The following GREB1L variants were observed in gnomAD, a reference collection of about 807,000 sequenced individuals.
GREB1L encodes GREB1-like protein.
Under a neutral mutation model 200.8 loss-of-function variants are expected in GREB1L, and 17 were observed. The observed-to-expected ratio is 0.08, with a 90% CI of 0.06 to 0.13. The LOEUF is 0.13. Among genes scored for constraint, GREB1L ranks in the 10% least tolerant of loss-of-function variants. The probability of loss-of-function intolerance (pLI) is 1.00; values close to 1 mark genes in which losing one functional copy is unlikely to be tolerated. For synonymous variants in GREB1L, 789 were observed against 893.0 expected (o/e 0.88, Z 2.08); for missense variants, 1,657 against 2,367.7 (o/e 0.70, Z 6.23).
intron 17 of GREB1L, among the ~76,000 whole-genome samples, chr18:21,477,559 G>T (rs2035751659): frequency 6.6e-6 from 1 of 152,172 alleles, no homozygotes; most frequent in Non-Finnish European, 1.5e-5. Context: ...GGCCGAGGCG[G>T]GTGGATCACA....
chr18:21,465,205 TTCC>T (rs2035219224), intron 15 of GREB1L, among the ~76,000 whole-genome samples: 1 of 152,176 alleles, frequency 6.6e-6, no homozygotes, highest in Non-Finnish European at 1.5e-5. Context: ...CCCTGAACTT[TTCC>T]TCCTAACTGA....
intron 1 of GREB1L, among the ~76,000 whole-genome samples, chr18:21,274,776 G>A (rs9947069): frequency 0.52 from 79,403 of 151,622 alleles, 22,052 homozygotes; most frequent in African/African-American, 0.72. Context: ...AGTCCCAGCT[G>A]CTTGGGAGGC....
intron 1 of GREB1L, among the ~76,000 whole-genome samples, chr18:21,343,667 C>T (rs1197258961): frequency 6.6e-6 from 1 of 151,948 alleles, no homozygotes; most frequent in South Asian, 2.1e-4. Context: ...GGCCGCATAC[C>T]AGGGTGGACA....
Position 21,514,004 on chromosome 18 carries a change from G to A in GREB1L, c.4901+18G>A. The A allele has an allele frequency of 6.5e-7, 1 of 1,549,144 alleles. No individual in the cohort carries two copies. Among genetic ancestry groups the A allele is most frequent in the Non-Finnish European group, 8.7e-7 (1 of 1,145,100 alleles). On this transcript the variant is annotated intron_variant, in intron 28 of 32. Coordinates refer to ENST00000424526, the MANE Select transcript of GREB1L (RefSeq NM_001142966.3). ...CCATCCAGGTAGACTTCCAAGCTGG[G>A]GGCGTATGACACAATGCTATAGACA...
chr18:21,259,325 G>A (rs542631851), intron 1 of GREB1L, among the ~76,000 whole-genome samples: 2 of 152,206 alleles, frequency 1.3e-5, no homozygotes, highest in East Asian at 1.9e-4. Context: ...TTTTTCTACT[G>A]TGCAAGAGGT....
At chr18:21,484,224 G>A (rs944050302) in intron 17 of GREB1L, among the ~76,000 whole-genome samples, 2 of 146,888 alleles carry the variant, frequency 1.4e-5, no homozygotes, top group African/African-American at 5.0e-5. Flanking sequence ...CGCCCAGGCT[G>A]GAGTGCAGTG....
chr18:21,500,576 A>C lies in GREB1L; in HGVS notation c.4006A>C (p.Ile1336Leu). The change falls in exon 23 of 33, where the codon ATC becomes CTC. Residue 1336 changes from isoleucine to leucine, a missense_variant. Around this residue, in one of 9 missense-constraint regions of GREB1L, gnomAD observed 512 missense variants for 668.3 expected, o/e 0.77. Transcript: ENST00000424526. ...KTGSYLQFLR[I>L]LFRMLIRLLE... Reference sequence around the variant, plus strand: ...GGGCTCCTATTTACAGTTCCTCAGGATCCTCTTCCGCATGCTCATCAGGCT... The same window carrying C: ...GGGCTCCTATTTACAGTTCCTCAGGCTCCTCTTCCGCATGCTCATCAGGCT... 6.4e-7 allele frequency: 1 copy of C among 1,551,156 alleles called. No homozygotes were observed. Among genetic ancestry groups the C allele is most frequent in the Non-Finnish European group, 8.7e-7 (1 of 1,146,858 alleles).
In GREB1L at chr18:21,322,072, G is replaced by A. The variant is rs369047642; in HGVS notation, c.-119-43955G>A. 2.8e-4 allele frequency among the ~76,000 whole-genome samples: 43 copies of A among 152,222 alleles called. No homozygotes were observed. In the South Asian group the frequency reaches 8.7e-3, roughly 31 times the overall value. ...AGGTGAAATTATTATTTGCAGATGTGATTACCTCATAAACTCATGAAAATC... is the reference window on the plus strand; with the variant it reads ...AGGTGAAATTATTATTTGCAGATGTAATTACCTCATAAACTCATGAAAATC... On this transcript the variant is annotated intron_variant, in intron 1 of 32. Coordinates refer to ENST00000424526, the MANE Select transcript of GREB1L (RefSeq NM_001142966.3).
rs1377868873 is a variant in GREB1L at position 21,477,312 on chromosome 18, A to G, written c.2512A>G (p.Ile838Val). Residue 838 changes from isoleucine (I) to valine (V), a missense_variant, in exon 17 of 33, where the codon ATT becomes GTT. By Grantham distance (29) the Ile-to-Val change is conservative. Coordinates refer to ENST00000424526, the MANE Select transcript of GREB1L (RefSeq NM_001142966.3). ...CACTCTGCAGACCCAACAGTCCCGC[A>G]TTAGCTCTAGCAATGAGGTTCACTG... ...PYTLQTQQSR[I>V]SSSNEVHWIQ... 1 of 1,551,620 alleles carries G rather than the reference A, an allele frequency of 6.4e-7. No homozygotes were observed. Among genetic ancestry groups the G allele is most frequent in the East Asian group, 2.4e-5 (1 of 40,912 alleles).
intron 10 of GREB1L, among the ~76,000 whole-genome samples, chr18:21,443,415 C>T (rs769259290): frequency 1.3e-4 from 20 of 152,204 alleles, no homozygotes; most frequent in Admixed American, 5.9e-4. Flanking sequence ...AAATGTTGGC[C>T]AGGCTGGTCT....
intron 17 of GREB1L, among the ~76,000 whole-genome samples, chr18:21,479,234 T>C (rs1369278447): frequency 6.6e-6 from 1 of 152,124 alleles, no homozygotes; most frequent in Non-Finnish European, 1.5e-5. Flanking sequence ...TTGCATTAAA[T>C]TTCGATATAT....
intron 11 of GREB1L, among the ~76,000 whole-genome samples, chr18:21,448,265 T>A (rs1270772954): frequency 1.3e-5 from 2 of 152,130 alleles, no homozygotes; most frequent in African/African-American, 4.8e-5. Context: ...AAAATCTGTT[T>A]ATGAGAATTC....
Position 21,522,958 on chromosome 18 carries a change from C to A in GREB1L, c.*137C>A. The A allele has an allele frequency of 1.4e-6, 1 of 739,450 alleles. No individual in the cohort carries two copies. Among genetic ancestry groups the A allele is most frequent in the Non-Finnish European group, 2.1e-6 (1 of 475,568 alleles). 45.8% of individuals were successfully genotyped at this position (739,450 alleles called of 1,614,324 possible). Reference sequence around the variant, plus strand: ...ATATTTGTCTAAATTCTCCAAAGAACTCCCCAAATCTGATCCAGGTCTTTG... The same window carrying A: ...ATATTTGTCTAAATTCTCCAAAGAAATCCCCAAATCTGATCCAGGTCTTTG... On this transcript the variant is annotated 3_prime_UTR_variant, in exon 33 of 33. Coordinates refer to ENST00000424526, the MANE Select transcript of GREB1L (RefSeq NM_001142966.3).
intron 1 of GREB1L, among the ~76,000 whole-genome samples, chr18:21,297,676 G>A (rs773060113): frequency 6.6e-6 from 1 of 152,180 alleles, no homozygotes; most frequent in Non-Finnish European, 1.5e-5. Flanking sequence ...AATCGGGATA[G>A]CACTTATATA....
At chr18:21,284,164 A>T (rs1345680892) in intron 1 of GREB1L, among the ~76,000 whole-genome samples, 1 of 151,272 alleles carries the variant, frequency 6.6e-6, no homozygotes, top group Non-Finnish European at 1.5e-5. Context: ...CTGTTAAAAT[A>T]AAAAAAAAGC....
intron 1 of GREB1L, among the ~76,000 whole-genome samples, chr18:21,307,992 C>A (rs1482932160): frequency 6.6e-6 from 1 of 152,190 alleles, no homozygotes; most frequent in Non-Finnish European, 1.5e-5. Context: ...ATGTGCATAT[C>A]TTTGCAAATA....
At chr18:21,372,546 T>A (rs2039918516) in intron 2 of GREB1L, among the ~76,000 whole-genome samples, 1 of 152,242 alleles carries the variant, frequency 6.6e-6, no homozygotes, top group Non-Finnish European at 1.5e-5. Context: ...GTGTATTTTA[T>A]GTGTGGCTCA....
In GREB1L at chr18:21,496,625, G is replaced by C; in HGVS notation, c.3318G>C (p.Glu1106Asp). 1 of 1,551,710 alleles carries C rather than the reference G, an allele frequency of 6.4e-7. No homozygotes were observed. The highest frequency in any genetic ancestry group is 2.4e-5 in the East Asian group (1 of 40,920). Residue 1106 changes from glutamate to aspartate, a missense_variant, in exon 21 of 33, where the codon GAG becomes GAC. Physicochemically the swap from Glu to Asp is conservative, Grantham distance 45. This residue lies in a region of GREB1L where 512 missense variants were observed against 668.3 expected (regional missense o/e 0.77). Transcript: ENST00000424526. ...AGCAGGAGAGAGCTGCTGTCAGTGAGAATGACTCCGATGAGCTGCTCATCG... is the reference window on the plus strand; with the variant it reads ...AGCAGGAGAGAGCTGCTGTCAGTGACAATGACTCCGATGAGCTGCTCATCG... ...GKEQERAAVS[E>D]NDSDELLIDL...
chr18:21,302,717 A>ATGTT (rs3046678), intron 1 of GREB1L, among the ~76,000 whole-genome samples: 11,186 of 151,796 alleles, frequency 0.074, 623 homozygotes, highest in Admixed American at 0.14. Context: ...GCCTTCCATA[A>ATGTT]TGTTTGTTTG....
Sources: gnomAD v4.1 joint callset for allele counts (sites outside exome capture counted in the v4.1 genomes callset) on GRCh38, gnomAD v4.1.1 for gene constraint, gnomAD v4.1.1 regional missense constraint, MANE v1.5 for transcripts, NCBI Gene and HGNC (gene_info 2026-07-23, HGNC 2026-07-21) for gene names.